ANKFN1: variants seen among roughly 807,000 people sequenced by gnomAD.
The protein encoded by ANKFN1 is ankyrin repeat and fibronectin type-III domain-containing protein 1.
A neutral mutation model predicts 108.7 loss-of-function variants in ANKFN1; 74 were observed. That is an observed-to-expected ratio of 0.68 (90% CI 0.56 to 0.83). The LOEUF is 0.83. Ranked by LOEUF, ANKFN1 falls within the 40% of genes least tolerant of loss-of-function variation. The pLI, the probability that ANKFN1 is intolerant of heterozygous loss-of-function variation, is 0.00. For synonymous variants in ANKFN1, 547 were observed against 516.2 expected, an observed-to-expected ratio of 1.06 and a Z score of -0.81; for missense variants, 1,505 against 1,382.3, an observed-to-expected ratio of 1.09 and a Z score of -1.41.
chr17:56,440,313 C>G lies in ANKFN1; in HGVS notation c.911-14C>G, dbSNP rs370211962. 1.3e-4 allele frequency: 204 copies of G among 1,564,958 alleles called. No individual in the cohort carries two copies. The highest frequency in any genetic ancestry group is 1.5e-4 in the Non-Finnish European group (176 of 1,137,634). On this transcript the variant is annotated splice_polypyrimidine_tract_variant and intron_variant, in intron 8 of 20. Coordinates refer to ENST00000682825, the MANE Select transcript of ANKFN1 (RefSeq NM_001370326.1). ...CCCTCTTTCTCTCTCTCCCTGCCCCCCTACTCCCTCCAGTGGAATGGAGTA... is the reference window on the plus strand; with the variant it reads ...CCCTCTTTCTCTCTCTCCCTGCCCCGCTACTCCCTCCAGTGGAATGGAGTA...
intron 15 of ANKFN1, among the ~76,000 whole-genome samples, chr17:56,467,729 G>A (rs565947434): frequency 1.6e-3 from 192 of 121,632 alleles, no homozygotes; most frequent in African/African-American, 5.9e-3. Context: ...GAAAGAAAGA[G>A]AGAAAGAAAG....
At chr17:56,113,967 A>T (rs1292226905) in intron 4 of ANKFN1, among the ~76,000 whole-genome samples, 1 of 152,160 alleles carries the variant, frequency 6.6e-6, no homozygotes, top group Non-Finnish European at 1.5e-5. Context: ...TCAGAACAGA[A>T]GAGGATCTTA....
intron 18 of ANKFN1, among the ~76,000 whole-genome samples, chr17:56,491,112 C>A (rs1255782253): frequency 6.6e-6 from 1 of 152,104 alleles, no homozygotes; most frequent in Admixed American, 6.6e-5. Context: ...TCTCAGGAAT[C>A]AACATCTAAT....
At chr17:56,481,737 T>C (rs1219290034) in intron 17 of ANKFN1, among the ~76,000 whole-genome samples, 2 of 152,098 alleles carry the variant, frequency 1.3e-5, no homozygotes, top group Non-Finnish European at 1.5e-5. Flanking sequence ...CAAGATGCCA[T>C]AAAGACAATA....
At chr17:56,313,252 C>T (rs1375983465) in intron 3 of ANKFN1, among the ~76,000 whole-genome samples, 3 of 151,858 alleles carry the variant, frequency 2.0e-5, no homozygotes, top group African/African-American at 7.3e-5. Context: ...TAAGCCAAGA[C>T]CTGAGAGATG....
rs1208296172 is a variant in ANKFN1 at position 56,513,818 on chromosome 17, A to G, written c.*2549A>G. 6.6e-6 allele frequency among the ~76,000 whole-genome samples: 1 copy of G among 152,216 alleles called. No individual in the cohort carries two copies. The highest frequency in any genetic ancestry group is 1.5e-5 in the Non-Finnish European group (1 of 68,030). On this transcript the variant is annotated 3_prime_UTR_variant, in exon 21 of 21. Transcript: ENST00000682825. ...TAATGGGCATAGTTAAATCAATTGAAAATGCATTTTCTTAGCAACATTCTT... is the reference window on the plus strand; with the variant it reads ...TAATGGGCATAGTTAAATCAATTGAGAATGCATTTTCTTAGCAACATTCTT...
chr17:56,298,783 C>T (rs16957073), intron 3 of ANKFN1, among the ~76,000 whole-genome samples: 19,297 of 152,186 alleles, frequency 0.13, 1,475 homozygotes, highest in African/African-American at 0.22. Flanking sequence ...TTGAATTTAT[C>T]TGTTTTTGGC....
intron 1 of ANKFN1, among the ~76,000 whole-genome samples, chr17:56,207,435 C>T (rs72831998): frequency 0.047 from 7,114 of 152,272 alleles, 188 homozygotes; most frequent in Middle Eastern, 0.085. Flanking sequence ...GAAGCTCTTA[C>T]GGATGCAGCT....
At chr17:56,220,988 G>C (rs1372414270) in intron 2 of ANKFN1, among the ~76,000 whole-genome samples, 1 of 152,226 alleles carries the variant, frequency 6.6e-6, no homozygotes, top group Non-Finnish European at 1.5e-5. Context: ...AGGTTTAATT[G>C]GCTCATGGTT....
At chr17:56,381,960 G>A (rs1474121376) in intron 8 of ANKFN1, among the ~76,000 whole-genome samples, 1 of 151,788 alleles carries the variant, frequency 6.6e-6, no homozygotes, top group Non-Finnish European at 1.5e-5. Flanking sequence ...TCCTCGAGAA[G>A]AGCAACTCCA....
At position 56,084,281 on chromosome 17, in the gene ANKFN1, G is replaced by T; in HGVS notation, c.288+37956G>T. On this transcript the variant is annotated intron_variant, in intron 4 of 12. Coordinates refer to the ANKFN1 transcript ENST00000635860. ...ACCAAGAGGATGAACAGGACGTGCA[G>T]CAGTTGGATGTTGTCACGGCAACCA... Among the ~76,000 whole-genome samples the T allele has an allele frequency of 1.3e-5, 2 of 151,436 alleles. 1 individual carries two copies. Among genetic ancestry groups the T allele is most frequent in the Non-Finnish European group, 3.0e-5 (2 of 67,766 alleles).
intron 8 of ANKFN1, among the ~76,000 whole-genome samples, chr17:56,378,428 T>C (rs920886824): frequency 6.6e-6 from 1 of 152,222 alleles, no homozygotes; most frequent in Non-Finnish European, 1.5e-5. Flanking sequence ...GTGATTTATA[T>C]TCTTCTTACC....
At chr17:56,258,585 C>G (rs1469647858) in intron 3 of ANKFN1, among the ~76,000 whole-genome samples, 1 of 152,076 alleles carries the variant, frequency 6.6e-6, no homozygotes, top group Non-Finnish European at 1.5e-5. Context: ...AATTAACTGG[C>G]CCACAGCATC....
intron 8 of ANKFN1, among the ~76,000 whole-genome samples, chr17:56,437,973 G>GGGGTGTGTGTGTGAGTGTGT (rs1555653063): frequency 7.0e-6 from 1 of 142,176 alleles, no homozygotes; most frequent in African/African-American, 2.7e-5. Flanking sequence ...ATCTACTGTA[G>GGGGTGTGTGTGTGAGTGTGT]GTGTGTGTGT....
chr17:56,179,937 T>C (rs1228438555), intron 1 of ANKFN1, among the ~76,000 whole-genome samples: 2 of 152,194 alleles, frequency 1.3e-5, no homozygotes, highest in South Asian at 4.1e-4. Flanking sequence ...AACCAGTAGA[T>C]TGAGCTCATC....
At chr17:56,189,837 A>G (rs1373775703) in intron 1 of ANKFN1, among the ~76,000 whole-genome samples, 1 of 152,148 alleles carries the variant, frequency 6.6e-6, no homozygotes, top group East Asian at 1.9e-4. Context: ...TCATAAATAC[A>G]ATTCTAAGGC....
At chr17:56,249,028 G>A (rs1885842836) in intron 3 of ANKFN1, among the ~76,000 whole-genome samples, 1 of 152,190 alleles carries the variant, frequency 6.6e-6, no homozygotes, top group Non-Finnish European at 1.5e-5. Flanking sequence ...GAATAGCGCT[G>A]AAAAATTCCA....
At chr17:56,295,889 T>A (rs1188981871) in intron 3 of ANKFN1, among the ~76,000 whole-genome samples, 1 of 152,244 alleles carries the variant, frequency 6.6e-6, no homozygotes, top group Non-Finnish European at 1.5e-5. Flanking sequence ...AAGCCATTCA[T>A]GAGGGTGGAG....
At position 56,154,305 on chromosome 17, in the gene ANKFN1, G is replaced by A. The variant is rs543847050; in HGVS notation, c.-71+775G>A. ...TCCTGGTAGGGGATACTAATAGGAG[G>A]AACTTATTCAGCTACTTCACTTCCC... is the stretch of plus-strand genomic sequence containing the variant. On this transcript the variant is annotated intron_variant, in intron 1 of 20. Coordinates refer to ENST00000682825, the MANE Select transcript of ANKFN1 (RefSeq NM_001370326.1). 2.0e-5 allele frequency among the ~76,000 whole-genome samples: 3 copies of A among 152,188 alleles called. No homozygotes were observed. The East Asian group carries it at 5.8e-4, about 29-fold the overall frequency.
Sources: gnomAD v4.1 joint callset for allele counts (sites outside exome capture counted in the v4.1 genomes callset) on GRCh38, gnomAD v4.1.1 for gene constraint, MANE v1.5 for transcripts, NCBI Gene and HGNC (gene_info 2026-07-23, HGNC 2026-07-21) for gene names.